CAND2: variants seen among roughly 807,000 people sequenced by gnomAD.
The protein encoded by CAND2 is cullin-associated NEDD8-dissociated protein 2.
Under a neutral mutation model 98.9 loss-of-function variants are expected in CAND2, and 62 were observed. That is an observed-to-expected ratio of 0.63 (90% CI 0.51 to 0.77). CAND2 has a LOEUF of 0.77. CAND2 is among the 30% of genes least tolerant of loss of function. CAND2 has a pLI of 0.00. For synonymous variants in CAND2, 770 were observed against 731.9 expected (o/e 1.05, Z -0.84); for missense variants, 1,501 against 1,655.2 (o/e 0.91, Z 1.62).
chr3:12,813,503 TTCTC>T, intron 7 of CAND2, 115 bp downstream of exon 7: 1 of 1,041,924 alleles, frequency 9.6e-7, no homozygotes, highest in Non-Finnish European at 1.4e-6. Context: ...TGCCAGCTCT[TTCTC>T]AAGCTCCAGT....
chr3:12,796,869 TC>T, intron 1 of CAND2, 81 bp downstream of exon 1: 1 of 1,141,256 alleles, frequency 8.8e-7, no homozygotes. Flanking sequence ...CGCCAGCCCA[TC>T]CCCCATGACC....
chr3:12,820,496 G>A (rs1371806623), intron 11 of CAND2, among the ~76,000 whole-genome samples: 1 of 152,244 alleles, frequency 6.6e-6, no homozygotes, highest in Non-Finnish European at 1.5e-5. Context: ...ATGGGCAACT[G>A]AGGGAGAAGA....
intron 13 of CAND2, 148 bp downstream of exon 13, chr3:12,827,752 C>A: frequency 1.3e-6 from 1 of 744,244 alleles, no homozygotes; most frequent in East Asian, 2.8e-5. Context: ...GAAAAGGAAC[C>A]TGTGTCTCAA....
chr3:12,831,592 C>T lies in CAND2; in HGVS notation c.3483+20C>T. The T allele has an allele frequency of 6.4e-7, 1 of 1,566,844 alleles. No individual in the cohort carries two copies. Among genetic ancestry groups the T allele is most frequent in the Non-Finnish European group, 8.7e-7 (1 of 1,145,594 alleles). ...GCCAAGGTAAGTCCCTGGCCCAGCC[C>T]TAGCCCAGGCCCTGGAGCACCTATG... is the stretch of plus-strand genomic sequence containing the variant. On this transcript the variant is annotated intron_variant, in intron 14 of 14. Coordinates refer to ENST00000456430, the MANE Select transcript of CAND2 (RefSeq NM_001162499.2).
At chr3:12,810,397 G>A (rs2061842832) in intron 5 of CAND2, 73 bp downstream of exon 5, 4 of 1,339,206 alleles carry the variant, frequency 3.0e-6, no homozygotes, top group Admixed American at 3.6e-5. Flanking sequence ...ACTCGGTAAA[G>A]GGGCGGAGCT....
intron 5 of CAND2, among the ~76,000 whole-genome samples, chr3:12,811,171 C>G (rs1194554241): frequency 6.6e-6 from 1 of 152,172 alleles, no homozygotes; most frequent in Non-Finnish European, 1.5e-5. Context: ...TCCCATTTCT[C>G]CCAAACAGCA....
At chr3:12,820,276 T>C (rs959890502) in intron 11 of CAND2, 95 bp downstream of exon 11, 2 of 919,574 alleles carry the variant, frequency 2.2e-6, no homozygotes, top group East Asian at 2.7e-5. Context: ...CCAAGGGCAA[T>C]GGGAGACCCG....
Position 12,807,363 on chromosome 3 carries a change from C to T in CAND2, c.270C>T (p.Thr90=). Residue 90 remains threonine, a synonymous_variant, in exon 3 of 15, where the codon ACC becomes ACT. Transcript: ENST00000456430. ...ACCAGGTGGAGACCATTGTGGACAC[C>T]CTGTGCACCAACATGCGGTCAGACA... ...KEYQVETIVD[T]LCTNMRSDKE... The T allele has an allele frequency of 6.4e-7, 1 of 1,551,648 alleles. No individual in the cohort carries two copies. The highest frequency in any genetic ancestry group is 2.4e-5 in the East Asian group (1 of 40,910).
chr3:12,834,534 C>T lies in CAND2; in HGVS notation c.*552C>T, dbSNP rs150100042. On this transcript the variant is annotated 3_prime_UTR_variant, in exon 15 of 15. Coordinates refer to ENST00000456430, the MANE Select transcript of CAND2 (RefSeq NM_001162499.2). The stretch of plus-strand genomic sequence containing the variant: ...GAAATTTGGAAGATGATACGGGTTT[C>T]TTTTTTCCAGGGAGGAGGAATGGGT... 2 of 154,578 alleles carry T rather than the reference C, an allele frequency of 1.3e-5. No individual in the cohort carries two copies. Among genetic ancestry groups the T allele is most frequent in the African/African-American group, 4.8e-5 (2 of 41,442 alleles). The allele number at this position is 154,578 out of a possible 1,614,324, so 9.6% of individuals were successfully genotyped here.
chr3:12,799,755 T>A (rs1049011183), intron 1 of CAND2, among the ~76,000 whole-genome samples: 2 of 152,192 alleles, frequency 1.3e-5, no homozygotes, highest in African/African-American at 4.8e-5. Flanking sequence ...CAGACTTGTA[T>A]TGCAGTGTGA....
Position 12,817,217 on chromosome 3 carries a change from A to G in CAND2, c.2285A>G (p.Gln762Arg), listed in dbSNP as rs764044437. The change falls in exon 10 of 15, where the codon CAG becomes CGG. Residue 762 changes from glutamine to arginine, a missense_variant. Coordinates refer to ENST00000456430, the MANE Select transcript of CAND2 (RefSeq NM_001162499.2). ...GVLAAAEGFL[Q>R]ALVGTRPPCV... ...CTGGCAGCTGCTGAAGGCTTCCTGC[A>G]GGCCCTGGTAGGGACCCGTCCCCCG... 2 of 1,613,678 alleles carry G rather than the reference A, an allele frequency of 1.2e-6. No homozygotes were observed. The highest frequency in any genetic ancestry group is 1.7e-6 in the Non-Finnish European group (2 of 1,180,020).
At chr3:12,827,409 G>A (rs768955339) in intron 12 of CAND2, 31 bp from the exon 13 acceptor site, 1 of 1,599,728 alleles carries the variant, frequency 6.3e-7, no homozygotes, top group Non-Finnish European at 8.5e-7. Flanking sequence ...ACACCCTGGG[G>A]CCATATCACC....
At chr3:12,823,028 T>G (rs1238798985) in intron 11 of CAND2, among the ~76,000 whole-genome samples, 2 of 152,182 alleles carry the variant, frequency 1.3e-5, no homozygotes, top group Non-Finnish European at 2.9e-5. Context: ...TAGCCCCCTT[T>G]CCATATGTGT....
intron 13 of CAND2, 150 bp from the exon 14 acceptor site, chr3:12,831,315 C>T: frequency 1.5e-6 from 1 of 674,334 alleles, no homozygotes; most frequent in Non-Finnish European, 2.7e-6. Flanking sequence ...AGGAAACAGA[C>T]CCAGAGAGGG....
At chr3:12,808,924 T>C (rs1051618979) in intron 4 of CAND2, among the ~76,000 whole-genome samples, 1 of 152,022 alleles carries the variant, frequency 6.6e-6, no homozygotes, top group Non-Finnish European at 1.5e-5. Flanking sequence ...GAGGTGGGTA[T>C]GCAGAGCTGA....
At chr3:12,813,457 C>T (rs922540314) in intron 7 of CAND2, 69 bp downstream of exon 7, 56 of 1,527,048 alleles carry the variant, frequency 3.7e-5, no homozygotes, top group Middle Eastern at 4.4e-4. Context: ...ATCCCCCAAC[C>T]AAAGACAGCG....
intron 1 of CAND2, among the ~76,000 whole-genome samples, chr3:12,801,034 A>AT (rs372893921): frequency 0.085 from 8,559 of 100,578 alleles, 510 homozygotes; most frequent in Non-Finnish European, 0.11. Flanking sequence ...GGAAATCAGT[A>AT]TTTTTTTTTT....
Position 12,825,451 on chromosome 3 carries a change from C to T in CAND2, c.3041-19C>T, listed in dbSNP as rs754646426. ...GCTTTGGCTGTGCATCCCCCACGCC[C>T]CTCATGTTCTTCTGCCAGGAGAGTT... On this transcript the variant is annotated intron_variant, in intron 11 of 14. Coordinates refer to ENST00000456430, the MANE Select transcript of CAND2 (RefSeq NM_001162499.2). 451 of 1,547,160 alleles carry T rather than the reference C, an allele frequency of 2.9e-4. No homozygotes were observed. The highest frequency in any genetic ancestry group is 3.5e-4 in the Non-Finnish European group (398 of 1,143,400).
chr3:12,817,854 C>T lies in CAND2; in HGVS notation c.2922C>T (p.Arg974=). 6.6e-7 allele frequency: 1 copy of T among 1,504,028 alleles called. No individual in the cohort carries two copies. Among genetic ancestry groups the T allele is most frequent in the Admixed American group, 2.3e-5 (1 of 42,788 alleles). The allele number at this position is 1,504,028 out of a possible 1,614,324, so 93.2% of individuals were successfully genotyped here. A position where few individuals can be genotyped will look rare whatever the true frequency, so the allele number is the denominator to read the frequency against. The part of the protein sequence containing the change: ...VLVNPSFLLP[R]LRKQLAAGRP... ...TGAACCCTTCGTTCCTTCTGCCCCG[C>T]TTGCGGAAGCAGCTTGCTGCAGGTA... The change falls in exon 10 of 15, where the codon CGC becomes CGT. Residue 974 remains arginine, a synonymous_variant. Transcript: ENST00000456430.
Sources: gnomAD v4.1 joint callset for allele counts (sites outside exome capture counted in the v4.1 genomes callset) on GRCh38, gnomAD v4.1.1 for gene constraint, MANE v1.5 for transcripts, NCBI Gene and HGNC (gene_info 2026-07-23, HGNC 2026-07-21) for gene names.